The following MTHFD2L variants were observed in gnomAD, a reference collection of about 807,000 sequenced individuals.
MTHFD2L encodes methylenetetrahydrofolate dehydrogenase (NADP+ dependent) 2 like.
In MTHFD2L, 29 loss-of-function variants were observed where a neutral mutation model predicts 34.9. The observed-to-expected ratio is 0.83, with a 90% CI of 0.62 to 1.13. The LOEUF (loss-of-function observed/expected upper bound fraction) is 1.13, where lower values mean the gene tolerates loss of function less well. Ranked by LOEUF, MTHFD2L falls within the 50% of genes most tolerant of loss-of-function variation. The probability of loss-of-function intolerance (pLI) is 0.00; values close to 1 mark genes in which losing one functional copy is unlikely to be tolerated. For missense variants in MTHFD2L, 481 were observed against 446.5 expected (o/e 1.08, Z -0.70); for synonymous variants, 167 against 155.7 (o/e 1.07, Z -0.54).
At chr4:74,156,216 T>C (rs949720121), upstream of MTHFD2L, among the ~76,000 whole-genome samples, 2 of 152,192 alleles carry the variant, frequency 1.3e-5, no homozygotes, top group African/African-American at 4.8e-5. Context: ...AAAAACCCTC[T>C]GTGCTACACA....
At chr4:74,185,904 C>T (rs971973141) in intron 3 of MTHFD2L, among the ~76,000 whole-genome samples, 1 of 152,084 alleles carries the variant, frequency 6.6e-6, no homozygotes, top group Admixed American at 6.6e-5. Flanking sequence ...TACTCTGTTA[C>T]TAAAAACCTT....
chr4:74,147,990 G>C (rs139098597), intron 1 of MTHFD2L, among the ~76,000 whole-genome samples: 1 of 152,074 alleles, frequency 6.6e-6, no homozygotes, highest in Non-Finnish European at 1.5e-5. Flanking sequence ...TATGTCCTCT[G>C]CTGCACAGAA....
upstream of MTHFD2L, chr4:74,156,670 C>A (rs901914336): frequency 1.3e-5 from 2 of 152,116 alleles, no homozygotes; most frequent in African/African-American, 4.8e-5. Flanking sequence ...TTTTATTCAC[C>A]AACAATGAAT....
intron 1 of MTHFD2L, among the ~76,000 whole-genome samples, chr4:74,134,209 A>T (rs1722744780): frequency 6.6e-6 from 1 of 152,152 alleles, no homozygotes; most frequent in African/African-American, 2.4e-5. Context: ...GCAAAGACAA[A>T]TAGGGAAGCC....
chr4:74,270,903 G>A (rs1745892694), intron 6 of MTHFD2L, among the ~76,000 whole-genome samples: 1 of 151,908 alleles, frequency 6.6e-6, no homozygotes, highest in Non-Finnish European at 1.5e-5. Flanking sequence ...GTTTTGATTT[G>A]CATTTCTCTG....
At chr4:74,122,388 C>T (rs1456973154), upstream of MTHFD2L, among the ~76,000 whole-genome samples, 3 of 152,128 alleles carry the variant, frequency 2.0e-5, no homozygotes, top group Non-Finnish European at 4.4e-5. Context: ...AAGTGCCACA[C>T]ACTTTTACAC....
At chr4:74,157,273 T>G (rs558081797), upstream of MTHFD2L, 15 of 204,728 alleles carry the variant, frequency 7.3e-5, no homozygotes, top group Admixed American at 2.2e-4. Flanking sequence ...TCAGTAAAAG[T>G]GCAGCTATGA....
chr4:74,145,756 A>T (rs1300027599), intron 1 of MTHFD2L, among the ~76,000 whole-genome samples: 4 of 152,078 alleles, frequency 2.6e-5, no homozygotes, highest in African/African-American at 9.7e-5. Flanking sequence ...TCATGAATGG[A>T]TTAGCACCAT....
At chr4:74,229,489 A>G (rs1055298911) in intron 6 of MTHFD2L, among the ~76,000 whole-genome samples, 4 of 152,138 alleles carry the variant, frequency 2.6e-5, no homozygotes, top group African/African-American at 9.7e-5. Context: ...CTCAGGGTAG[A>G]AGGAGGAGGA....
At chr4:74,294,837 G>C (rs995164065) in intron 7 of MTHFD2L, among the ~76,000 whole-genome samples, 5 of 152,072 alleles carry the variant, frequency 3.3e-5, no homozygotes, top group African/African-American at 9.7e-5. Flanking sequence ...AATAACATAG[G>C]GGGGAAAGTC....
chr4:74,170,222 T>A (rs991262256), intron 1 of MTHFD2L, among the ~76,000 whole-genome samples: 5 of 152,194 alleles, frequency 3.3e-5, no homozygotes, highest in African/African-American at 1.2e-4. Flanking sequence ...GATGCAACAA[T>A]TTTAACAAAA....
At chr4:74,126,000 C>T (rs1578218329) in intron 1 of MTHFD2L, among the ~76,000 whole-genome samples, 1 of 152,158 alleles carries the variant, frequency 6.6e-6, no homozygotes, top group Non-Finnish European at 1.5e-5. Flanking sequence ...TCAATGCTCA[C>T]TGTTTTGTCT....
intron 3 of MTHFD2L, among the ~76,000 whole-genome samples, chr4:74,191,916 T>C (rs1560469536): frequency 6.6e-6 from 1 of 152,148 alleles, no homozygotes; most frequent in Non-Finnish European, 1.5e-5. Context: ...ATATTTTCCT[T>C]ATGGCAGCCT....
intron 2 of MTHFD2L, among the ~76,000 whole-genome samples, chr4:74,117,716 C>A (rs576677358): frequency 6.6e-6 from 1 of 152,214 alleles, no homozygotes; most frequent in Admixed American, 6.5e-5. Context: ...GCTTCCGCAG[C>A]AGGCCCAGGG....
Position 74,201,345 on chromosome 4 carries a change from T to A in MTHFD2L, c.687T>A (p.Thr229=). The A allele has an allele frequency of 6.2e-7, 1 of 1,613,632 alleles. No homozygotes were observed. The highest frequency in any genetic ancestry group is 8.5e-7 in the Non-Finnish European group (1 of 1,179,708). The stretch of plus-strand genomic sequence containing the variant: ...TGCCTATTGCCATGCTTTTACACAC[T>A]GATGGAGAGCATGAACGGCCAGGAG... The part of the protein sequence containing the change: ...VGMPIAMLLH[T]DGEHERPGGD... The change falls in exon 5 of 8, where the codon ACT becomes ACA. Residue 229 remains threonine, a synonymous_variant. Coordinates refer to ENST00000325278, the MANE Select transcript of MTHFD2L (RefSeq NM_001144978.3).
chr4:74,224,920 A>AT (rs986942518), intron 5 of MTHFD2L, among the ~76,000 whole-genome samples: 1 of 152,038 alleles, frequency 6.6e-6, no homozygotes, highest in Non-Finnish European at 1.5e-5. Flanking sequence ...ATATTGTCCC[A>AT]TTTTTTGTTC....
intron 6 of MTHFD2L, among the ~76,000 whole-genome samples, chr4:74,240,441 T>G (rs950548775): frequency 2.6e-5 from 4 of 152,142 alleles, no homozygotes; most frequent in African/African-American, 9.7e-5. Flanking sequence ...GTGGAAACAC[T>G]CTAAACATTC....
intron 3 of MTHFD2L, among the ~76,000 whole-genome samples, chr4:74,186,091 T>C (rs986409634): frequency 3.3e-5 from 5 of 152,134 alleles, no homozygotes; most frequent in South Asian, 2.1e-4. Context: ...CAGTAAACAA[T>C]GTATTTTACC....
At chr4:74,227,507 C>T (rs545423769) in intron 6 of MTHFD2L, among the ~76,000 whole-genome samples, 6 of 151,062 alleles carry the variant, frequency 4.0e-5, no homozygotes, top group African/African-American at 1.5e-4. Context: ...GGGGGAAGAG[C>T]ATCCCGAGCA....
Sources: allele counts gnomAD v4.1 joint callset (sites outside exome capture counted in the v4.1 genomes callset), GRCh38; gene constraint gnomAD v4.1.1; transcripts MANE v1.5; gene names NCBI Gene and HGNC (gene_info 2026-07-23, HGNC 2026-07-21).